Variants in RABGAP1 observed in about 807,000 individuals in gnomAD.
The protein encoded by RABGAP1 is RAB GTPase activating protein 1.
A neutral mutation model predicts 137.6 loss-of-function variants in RABGAP1; 23 were observed. The observed-to-expected ratio is 0.17, with a 90% CI of 0.12 to 0.24. The LOEUF is 0.24. Ranked by LOEUF, RABGAP1 falls within the 10% of genes least tolerant of loss-of-function variation. The probability of loss-of-function intolerance (pLI) is 1.00; values close to 1 mark genes in which losing one functional copy is unlikely to be tolerated. For synonymous variants in RABGAP1, 451 were observed against 450.7 expected (o/e 1.00, Z -0.01); for missense variants, 906 against 1,275.8 (o/e 0.71, Z 4.42).
intron 13 of RABGAP1, among the ~76,000 whole-genome samples, chr9:123,044,886 C>A (rs1006407878): frequency 3.3e-5 from 5 of 152,066 alleles, no homozygotes; most frequent in African/African-American, 1.2e-4. Context: ...AATGAGATTT[C>A]GTAAAGTATC....
At chr9:123,032,818 G>A (rs1280431181) in intron 13 of RABGAP1, among the ~76,000 whole-genome samples, 3 of 152,140 alleles carry the variant, frequency 2.0e-5, no homozygotes, top group Non-Finnish European at 2.9e-5. Context: ...GATACAGTTT[G>A]CATTGTTTTA....
intron 1 of RABGAP1, chr9:122,945,901 T>C (rs1470348758): frequency 6.6e-6 from 1 of 152,208 alleles, no homozygotes; most frequent in Non-Finnish European, 1.5e-5. Flanking sequence ...ACCTATGGTT[T>C]ATAATTTTGT....
In RABGAP1 at chr9:122,996,557, T is replaced by TAAG; in HGVS notation, c.1054_1055insAGA (p.Leu351_Ser352insLys). The TAAG allele has an allele frequency of 6.2e-7, 1 of 1,608,926 alleles. No homozygotes were observed. The highest frequency in any genetic ancestry group is 8.5e-7 in the Non-Finnish European group (1 of 1,177,324). On this transcript the variant is annotated inframe_insertion, in exon 8 of 26. Coordinates refer to ENST00000373647, the MANE Select transcript of RABGAP1 (RefSeq NM_012197.4). ...TTTGTAGGTGTTTTGGTCTTCTCCT[T>TAAG]AGTCCAGGAAAAGATGTACGAAATA...
intron 21 of RABGAP1, among the ~76,000 whole-genome samples, chr9:123,097,358 G>T (rs2035215331): frequency 6.6e-6 from 1 of 152,188 alleles, no homozygotes; most frequent in African/African-American, 2.4e-5. Context: ...AATAATGATG[G>T]CTACCTTTTA....
intron 5 of RABGAP1, 63 bp downstream of exon 5, chr9:122,989,534 A>G: frequency 6.7e-7 from 1 of 1,492,774 alleles, no homozygotes; most frequent in South Asian, 1.1e-5. Flanking sequence ...CTAGGTTGAA[A>G]TGATTATGGT....
chr9:123,021,229 TAAAAAAGA>T (rs2031609060), intron 13 of RABGAP1, among the ~76,000 whole-genome samples: 1 of 145,516 alleles, frequency 6.9e-6, no homozygotes, highest in Non-Finnish European at 1.5e-5. Context: ...AACTTTGTCT[TAAAAAAGA>T]AAAAAAGTTA....
chr9:123,005,011 G>A (rs1447155765), intron 10 of RABGAP1, among the ~76,000 whole-genome samples: 2 of 139,946 alleles, frequency 1.4e-5, no homozygotes, highest in Non-Finnish European at 1.5e-5. Flanking sequence ...AGCCGAGATC[G>A]CGCCATTGCA....
chr9:122,952,459 G>A (rs901727886), intron 1 of RABGAP1, among the ~76,000 whole-genome samples: 6 of 151,632 alleles, frequency 4.0e-5, no homozygotes, highest in Non-Finnish European at 8.8e-5. Context: ...GAGTAGAGAC[G>A]GGGTTTCACC....
chr9:122,976,467 C>T (rs776290839), intron 2 of RABGAP1, among the ~76,000 whole-genome samples: 1 of 152,116 alleles, frequency 6.6e-6, no homozygotes, highest in Non-Finnish European at 1.5e-5. Flanking sequence ...GACACTTGCT[C>T]AGAATAATGA....
intron 13 of RABGAP1, among the ~76,000 whole-genome samples, chr9:123,048,182 G>A (rs1011161705): frequency 1.3e-5 from 2 of 151,990 alleles, no homozygotes; most frequent in East Asian, 3.9e-4. Context: ...CAGGTGATCC[G>A]TCCATCTTGG....
At chr9:123,007,089 A>AT (rs34068356) in intron 10 of RABGAP1, among the ~76,000 whole-genome samples, 148,089 of 151,556 alleles carry the variant, frequency 0.98, 72,448 homozygotes, top group Non-Finnish European at 1. Flanking sequence ...TTGTGGGTTT[A>AT]TTTTTTATTT....
Position 123,034,962 on chromosome 9 carries a change from T to C in RABGAP1, c.1794+14503T>C, listed in dbSNP as rs141576954. ...GCATTGATAGATACATTGCCATTAC[T>C]AAACCTTTAACCTATAATACTCTGG... On this transcript the variant is annotated intron_variant, in intron 13 of 25. Transcript: ENST00000373647. 1.3e-3 allele frequency: 2,078 copies of C among 1,613,708 alleles called. 4 individuals carry two copies. The highest frequency in any genetic ancestry group is 1.6e-3 in the Non-Finnish European group (1,932 of 1,179,698).
chr9:123,101,805 T>G lies in RABGAP1; in HGVS notation c.3087+42T>G, dbSNP rs78517800. 8.9e-4 allele frequency: 1,356 copies of G among 1,529,624 alleles called. 2 individuals are homozygous for G. Among genetic ancestry groups the G allele is most frequent in the Middle Eastern group, 2.1e-3 (11 of 5,298 alleles). 94.8% of individuals were successfully genotyped at this position (1,529,624 alleles called of 1,614,324 possible). On this transcript the variant is annotated intron_variant, in intron 25 of 25. Coordinates refer to ENST00000373647, the MANE Select transcript of RABGAP1 (RefSeq NM_012197.4). ...TCAGACATGTGCCTGCGGGCTGGGT[T>G]TCCTGATGTGCACTAGAGACCCCAG... is the stretch of plus-strand genomic sequence containing the variant.
chr9:123,067,293 T>A (rs1359768948), intron 14 of RABGAP1, among the ~76,000 whole-genome samples: 1 of 152,248 alleles, frequency 6.6e-6, no homozygotes, highest in Non-Finnish European at 1.5e-5. Flanking sequence ...TTCTCTCTCT[T>A]CACTGCCCTG....
At chr9:123,042,678 C>CA (rs761680544) in intron 13 of RABGAP1, among the ~76,000 whole-genome samples, 7 of 151,998 alleles carry the variant, frequency 4.6e-5, no homozygotes, top group Non-Finnish European at 1.0e-4. Flanking sequence ...GATGAAAAAG[C>CA]AAAACAGTCG....
At chr9:123,062,211 T>C (rs1037043267) in intron 13 of RABGAP1, 3 of 152,278 alleles carry the variant, frequency 2.0e-5, no homozygotes, top group African/African-American at 7.2e-5. Context: ...GAGGTTGCGG[T>C]GAGCCAAGAT....
At chr9:122,955,699 TA>T (rs1358763107) in intron 1 of RABGAP1, among the ~76,000 whole-genome samples, 1 of 152,222 alleles carries the variant, frequency 6.6e-6, no homozygotes, top group East Asian at 1.9e-4. Flanking sequence ...CTTCCAACTA[TA>T]ATACTCAGGG....
chr9:123,016,638 A>T (rs913675331), intron 12 of RABGAP1, among the ~76,000 whole-genome samples: 1 of 152,212 alleles, frequency 6.6e-6, no homozygotes, highest in African/African-American at 2.4e-5. Flanking sequence ...CTTGAATAGG[A>T]TGCCAGTATA....
upstream of RABGAP1, chr9:122,940,924 A>C (rs1402485483): frequency 6.7e-6 from 1 of 148,190 alleles, no homozygotes; most frequent in East Asian, 2.1e-4. Flanking sequence ...GTCGCTCGTC[A>C]TGGTCGCAGA....
Sources: allele counts gnomAD v4.1 joint callset (sites outside exome capture counted in the v4.1 genomes callset), GRCh38; gene constraint gnomAD v4.1.1; transcripts MANE v1.5; gene names NCBI Gene and HGNC (gene_info 2026-07-23, HGNC 2026-07-21).